Variants in PVT1 observed in about 807,000 individuals in gnomAD.
PVT1 encodes the protein CXCR4/PVT1 fusion.
intron 4 of PVT1, among the ~76,000 whole-genome samples, chr8:128,005,475 A>G (rs1322169384): frequency 6.6e-6 from 1 of 152,152 alleles, no homozygotes; most frequent in African/African-American, 2.4e-5. Context: ...AACCTCTCAA[A>G]TAGCATCCAA....
chr8:128,058,709 A>G (rs34642439), intron 4 of PVT1, among the ~76,000 whole-genome samples: 51,895 of 152,128 alleles, frequency 0.34, 9,360 homozygotes, highest in Middle Eastern at 0.49. Context: ...ACATATTCCC[A>G]TAAACTAGAA....
At chr8:127,970,885 C>A (rs1276820154) in intron 3 of PVT1, among the ~76,000 whole-genome samples, 1 of 152,204 alleles carries the variant, frequency 6.6e-6, no homozygotes, top group Non-Finnish European at 1.5e-5. Context: ...TAACTGATGT[C>A]ATGGCTGTTA....
intron 5 of PVT1, among the ~76,000 whole-genome samples, chr8:128,072,330 C>T (rs1563680467): frequency 6.6e-6 from 1 of 152,150 alleles, no homozygotes; most frequent in Non-Finnish European, 1.5e-5. Context: ...GGCCACAGAA[C>T]AAGCATGCAT....
chr8:128,058,850 G>T (rs564305180), intron 4 of PVT1, among the ~76,000 whole-genome samples: 29 of 152,336 alleles, frequency 1.9e-4, no homozygotes, highest in African/African-American at 7.0e-4. Context: ...CAGGGCTTCA[G>T]GGTGGATTTA....
intron 2 of PVT1, among the ~76,000 whole-genome samples, chr8:127,801,429 T>A (rs1814464252): frequency 6.6e-6 from 1 of 152,022 alleles, no homozygotes; most frequent in South Asian, 2.1e-4. Context: ...TTTGTAGAGA[T>A]GGGGTTTCAC....
intron 3 of PVT1, among the ~76,000 whole-genome samples, chr8:127,955,457 A>G (rs939903924): frequency 1.2e-4 from 19 of 152,232 alleles, no homozygotes; most frequent in African/African-American, 4.6e-4. Flanking sequence ...AGGGAAATAT[A>G]TTAATTTTCA....
intron 2 of PVT1, among the ~76,000 whole-genome samples, chr8:127,813,267 A>AAT (rs139324536): frequency 0.02 from 2,890 of 145,514 alleles, 95 homozygotes; most frequent in African/African-American, 0.065. Context: ...AATATATACA[A>AAT]ATATATATAT....
chr8:127,808,659 A>AAGAGAG (rs1366864799), intron 2 of PVT1, among the ~76,000 whole-genome samples: 4 of 152,190 alleles, frequency 2.6e-5, no homozygotes, highest in Non-Finnish European at 5.9e-5. Context: ...ACAGCAATCC[A>AAGAGAG]AGAGAGAGCT....
chr8:128,024,940 G>A (rs1817476360), intron 4 of PVT1, among the ~76,000 whole-genome samples: 1 of 152,260 alleles, frequency 6.6e-6, no homozygotes, highest in African/African-American at 2.4e-5. Context: ...GGCCTCAAGT[G>A]ATCCCATCTT....
intron 2 of PVT1, among the ~76,000 whole-genome samples, chr8:127,819,617 T>C (rs1467213198): frequency 6.6e-6 from 1 of 152,158 alleles, no homozygotes; most frequent in Non-Finnish European, 1.5e-5. Flanking sequence ...TTGGTTGAGA[T>C]GTGCAATGCG....
rs999173623 is a variant in PVT1 at position 127,935,262 on chromosome 8, C to T, written n.782+44264C>T. 4.6e-5 allele frequency among the ~76,000 whole-genome samples: 7 copies of T among 152,068 alleles called. 1 individual carries two copies. The highest frequency in any genetic ancestry group is 2.0e-4 in the Admixed American group (3 of 15,272). On this transcript the variant is annotated intron_variant and non_coding_transcript_variant, in intron 3 of 10. Transcript: ENST00000651587. ...ATTACAGGCGTGAGCCCTGTAATCC[C>T]GGTGCCCAGCCAGTTCTCTTCTTTT...
At chr8:127,997,070 T>TTG (rs1189473326) in intron 4 of PVT1, among the ~76,000 whole-genome samples, 3 of 147,674 alleles carry the variant, frequency 2.0e-5, no homozygotes, top group Non-Finnish European at 4.5e-5. Context: ...TGTTTGTTTT[T>TTG]TGATACAGAG....
chr8:127,919,828 G>A (rs1013973952), intron 3 of PVT1, among the ~76,000 whole-genome samples: 1 of 152,212 alleles, frequency 6.6e-6, no homozygotes, highest in Non-Finnish European at 1.5e-5. Flanking sequence ...CCACTGTCAG[G>A]TTTTCTTCCC....
intron 2 of PVT1, among the ~76,000 whole-genome samples, chr8:127,823,332 G>C (rs375093319): frequency 2.0e-5 from 3 of 152,208 alleles, no homozygotes; most frequent in Admixed American, 2.0e-4. Flanking sequence ...CAAAGAGAAG[G>C]ATAGGAGCTT....
chr8:128,009,042 G>A (rs2130032218), intron 4 of PVT1: 2 of 394,058 alleles, frequency 5.1e-6, no homozygotes, highest in South Asian at 2.0e-5. Context: ...ACCTATCACT[G>A]TTTTATCAAG....
At chr8:128,012,893 G>A (rs1817329521) in intron 4 of PVT1, among the ~76,000 whole-genome samples, 1 of 152,132 alleles carries the variant, frequency 6.6e-6, no homozygotes, top group Non-Finnish European at 1.5e-5. Context: ...GGGCTTTGGT[G>A]TTTTAAAAAA....
chr8:127,885,766 T>TA (rs1459683388), intron 2 of PVT1, among the ~76,000 whole-genome samples: 1 of 152,200 alleles, frequency 6.6e-6, no homozygotes, highest in Non-Finnish European at 1.5e-5. Context: ...AATTAAGGGT[T>TA]AAAAACATTT....
At chr8:128,023,022 A>T (rs1435347810) in intron 4 of PVT1, among the ~76,000 whole-genome samples, 2 of 151,984 alleles carry the variant, frequency 1.3e-5, no homozygotes, top group East Asian at 3.9e-4. Context: ...GTGCACCACC[A>T]CACCTGGCTA....
intron 2 of PVT1, among the ~76,000 whole-genome samples, chr8:127,806,468 A>G (rs991173424): frequency 6.6e-6 from 1 of 150,992 alleles, no homozygotes; most frequent in Admixed American, 6.6e-5. Flanking sequence ...TAAAAAATTA[A>G]AAAAAAAAGC....
Sources: gnomAD v4.1 joint callset for allele counts (sites outside exome capture counted in the v4.1 genomes callset) on GRCh38, gnomAD v4.1.1 for gene constraint, MANE v1.5 for transcripts, NCBI Gene and HGNC (gene_info 2026-07-23, HGNC 2026-07-21) for gene names.